Variants in PKD1 observed in about 807,000 individuals in gnomAD.
PKD1 encodes polycystin-1.
PKD1 carries 81 observed loss-of-function variants against 361.7 expected under a neutral mutation model. That is an observed-to-expected ratio of 0.22 (90% CI 0.19 to 0.27). The LOEUF (loss-of-function observed/expected upper bound fraction) is 0.27, where lower values mean the gene tolerates loss of function less well. Among genes scored for constraint, PKD1 ranks in the 10% least tolerant of loss-of-function variants. PKD1 has a pLI of 1.00. For synonymous variants in PKD1, 3,615 were observed against 2,818.3 expected (o/e 1.28, Z -8.95); for missense variants, 6,399 against 6,118.3 (o/e 1.05, Z -1.53).
At chr16:2,090,617 G>A (rs914328228) in intron 44 of PKD1, 27 bp from the exon 45 acceptor site, 3 of 1,608,886 alleles carry the variant, frequency 1.9e-6, no homozygotes, top group East Asian at 2.2e-5. Context: ...ACCAGTGAGG[G>A]CGTACAGCTG....
At position 2,103,648 on chromosome 16, in the gene PKD1, G is replaced by A. The variant is rs2092199146; in HGVS notation, c.8409C>T (p.Gly2803=). Residue 2803 remains glycine (G), a synonymous_variant, in exon 23 of 46, where the codon GGC becomes GGT. Transcript: ENST00000262304. Reference sequence around the variant, plus strand: ...AAGCCTCGGGGATGGAGAAGTGGCAGCCAGGCCCTGGGGCGCCGCCATAGC... The same window carrying A: ...AAGCCTCGGGGATGGAGAAGTGGCAACCAGGCCCTGGGGCGCCGCCATAGC... ...LLCYGGAPGP[G]CHFSIPEAFS... The A allele has an allele frequency of 1.2e-6, 2 of 1,610,406 alleles. No homozygotes were observed. Among genetic ancestry groups the A allele is most frequent in the South Asian group, 1.1e-5 (1 of 90,996 alleles).
intron 21 of PKD1, 99 bp from the exon 22 acceptor site, chr16:2,104,741 C>G (rs1183349348): frequency 9.0e-5 from 69 of 764,170 alleles, no homozygotes; most frequent in African/African-American, 5.3e-4. Context: ...ACCCCCAGCC[C>G]TGCAGCTGGA....
At chr16:2,125,356 C>T (rs1596611149) in intron 1 of PKD1, among the ~76,000 whole-genome samples, 1 of 152,206 alleles carries the variant, frequency 6.6e-6, no homozygotes, top group Non-Finnish European at 1.5e-5. Context: ...CTGCCAGGCC[C>T]CAAGCAACAG....
chr16:2,105,288 T>C (rs746071049), intron 21 of PKD1, 34 bp downstream of exon 21: 4 of 1,590,328 alleles, frequency 2.5e-6, no homozygotes, highest in East Asian at 2.2e-5. Context: ...CTGGCAGGCA[T>C]GCGGGGCAGG....
At chr16:2,099,546 T>C in intron 30 of PKD1, 98 bp downstream of exon 30, 4 of 1,174,196 alleles carry the variant, frequency 3.4e-6, no homozygotes, top group Non-Finnish European at 4.9e-6. Flanking sequence ...GTGGACGCCT[T>C]TCCCTCTGGC....
At chr16:2,107,446 C>G (rs2092380792) in intron 16 of PKD1, 1 of 361,764 alleles carries the variant, frequency 2.8e-6, no homozygotes, top group African/African-American at 2.1e-5. Flanking sequence ...CAGACGCCCA[C>G]TCTGGGGCAC....
At chr16:2,129,029 A>G (rs978738497) in intron 1 of PKD1, among the ~76,000 whole-genome samples, 6 of 151,840 alleles carry the variant, frequency 4.0e-5, no homozygotes, top group African/African-American at 1.5e-4. Flanking sequence ...ACACCTCGCT[A>G]ATTTTTGTAT....
Position 2,100,495 on chromosome 16 carries a change from C to T in PKD1, c.9469G>A (p.Asp3157Asn), listed in dbSNP as rs779683697. 5.6e-6 allele frequency: 9 copies of T among 1,610,240 alleles called. No individual in the cohort carries two copies. In the Admixed American group the frequency reaches 6.7e-5, roughly 12 times the overall value. Reference protein sequence around the residue: ...SRSGHRHLDGDRAFHRNSLDI... With the variant: ...SRSGHRHLDGNRAFHRNSLDI... Reference sequence around the variant, plus strand: ...AGGCTGTTGCGGTGGAAGGCTCTGTCGCCGTCCAGGTGCCGGTGGCCGCTC... The same window carrying T: ...AGGCTGTTGCGGTGGAAGGCTCTGTTGCCGTCCAGGTGCCGGTGGCCGCTC... Residue 3157 changes from aspartate (D) to asparagine (N), a missense_variant, in exon 27 of 46, where the codon GAC (aspartate) becomes AAC (asparagine). Physicochemically the swap from Asp to Asn is conservative, Grantham distance 23 (BLOSUM62 1). Coordinates refer to ENST00000262304, the MANE Select transcript of PKD1 (RefSeq NM_001009944.3). The surrounding 1 kb of genome is among the most constrained non-coding windows in gnomAD (Gnocchi z 4.4).
At position 2,089,858 on chromosome 16, in the gene PKD1, C is replaced by A; in HGVS notation, c.12781G>T (p.Gly4261Cys). Residue 4261 changes from glycine to cysteine, a missense_variant, in exon 46 of 46, where the codon GGC becomes TGC. Coordinates refer to ENST00000262304, the MANE Select transcript of PKD1 (RefSeq NM_001009944.3). The part of the protein sequence containing the change: ...SSRAPAGSSR[G>C]PSPGLRPALP... ...GCTGGCCGCAGGCCCGGGGATGGGC[C>A]ACGGGAAGATCCGGCGGGCGCCCGG... 1 of 1,608,954 alleles carries A rather than the reference C, an allele frequency of 6.2e-7. No homozygotes were observed. Among genetic ancestry groups the A allele is most frequent in the Non-Finnish European group, 8.5e-7 (1 of 1,178,506 alleles).
At position 2,103,250 on chromosome 16, in the gene PKD1, C is replaced by T. The variant is rs2092175992; in HGVS notation, c.8791+16G>A. 1.2e-6 allele frequency: 2 copies of T among 1,608,950 alleles called. No individual in the cohort carries two copies. Among genetic ancestry groups the T allele is most frequent in the Admixed American group, 3.3e-5 (2 of 59,932 alleles). ...CAAGGCCAGGGGGCCGCGTGTGCCC[C>T]ACCCGCTGCACGCACCGTCCAGCAG... On this transcript the variant is annotated intron_variant, in intron 23 of 45. Transcript: ENST00000262304.
At chr16:2,127,485 C>T (rs1157085098) in intron 1 of PKD1, among the ~76,000 whole-genome samples, 1 of 152,192 alleles carries the variant, frequency 6.6e-6, no homozygotes, top group Non-Finnish European at 1.5e-5. Flanking sequence ...GCACTGGCTC[C>T]CGTCGTCCAG....
Position 2,111,478 on chromosome 16 carries a change from A to C in PKD1, c.3689T>G (p.Val1230Gly). ...GCCCGTCTGCACCGCGGCGCTGACC[A>C]CCACGGGGGCGCCCTGCTCCACGGC... Reference protein sequence around the residue: ...SLAVEQGAPVVVSAAVQTGDN... With the variant: ...SLAVEQGAPVGVSAAVQTGDN... The change falls in exon 15 of 46, where the codon GTG becomes GGG. Residue 1230 changes from valine (V) to glycine (G), a missense_variant. Coordinates refer to ENST00000262304, the MANE Select transcript of PKD1 (RefSeq NM_001009944.3). 10 of 1,611,498 alleles carry C rather than the reference A, an allele frequency of 6.2e-6. No individual in the cohort carries two copies. Among genetic ancestry groups the C allele is most frequent in the Non-Finnish European group, 8.5e-6 (10 of 1,179,406 alleles).
Position 2,090,436 on chromosome 16 carries a change from G to A in PKD1, c.12293C>T (p.Ala4098Val). ...GAGAATAACAGCCCCCAGCCGTAGG[G>A]CGCCCCACAGCCGCAGTGCCCAGAG... ...VGLWALRLWG[A>V]LRLGAVILRW... The change falls in exon 45 of 46, where the codon GCC (alanine) becomes GTC (valine). Residue 4098 changes from alanine (A) to valine (V), a missense_variant. Transcript: ENST00000262304. 1 of 1,612,538 alleles carries A rather than the reference G, an allele frequency of 6.2e-7. No individual in the cohort carries two copies. Among genetic ancestry groups the A allele is most frequent in the Non-Finnish European group, 8.5e-7 (1 of 1,179,868 alleles).
chr16:2,106,923 G>A lies in PKD1; in HGVS notation c.7091C>T (p.Pro2364Leu), dbSNP rs573561064. 2 of 1,577,294 alleles carry A rather than the reference G, an allele frequency of 1.3e-6. No individual in the cohort carries two copies. The highest frequency in any genetic ancestry group is 1.7e-6 in the Non-Finnish European group (2 of 1,164,522). Residue 2364 changes from proline (P) to leucine (L), a missense_variant, in exon 17 of 46, where the codon CCC becomes CTC. Physicochemically the swap from Pro to Leu is moderately conservative, Grantham distance 98. Coordinates refer to ENST00000262304, the MANE Select transcript of PKD1 (RefSeq NM_001009944.3). This position sits in a 1 kb window ranked among gnomAD's most constrained non-coding sequence, Gnocchi z 6.5. ...QTVLIRSGRV[P>L]IVSLECVSCK... ...GGACACACACTCCAAGGACACAATG[G>A]GCACCCGGCCACTCCGGATCAGCAC...
intron 1 of PKD1, among the ~76,000 whole-genome samples, chr16:2,132,174 C>T (rs1420973970): frequency 1.3e-5 from 2 of 150,484 alleles, no homozygotes; most frequent in African/African-American, 2.5e-5. Context: ...CACTTGAACC[C>T]GGGAGGCGGA....
chr16:2,113,405 G>C (rs2092570753), intron 11 of PKD1, 113 bp from the exon 12 acceptor site: 2 of 1,108,768 alleles, frequency 1.8e-6, no homozygotes, highest in African/African-American at 3.1e-5. Flanking sequence ...GCACAGAGGA[G>C]AGGAGGTGCC....
At position 2,115,586 on chromosome 16, in the gene PKD1, G is replaced by C; in HGVS notation, c.1889C>G (p.Pro630Arg). Residue 630 changes from proline (P) to arginine (R), a missense_variant, in exon 10 of 46, where the codon CCG becomes CGG. Transcript: ENST00000262304. ...ENGSEPESRSPDNRTQLAPAC... is the reference protein window; with the variant it reads ...ENGSEPESRSRDNRTQLAPAC... The stretch of plus-strand genomic sequence containing the variant: ...GGGGGCCAGCTGGGTCCTGTTGTCC[G>C]GGGACCTGCTCTCAGGCTCGCTGCC... 8 of 1,592,966 alleles carry C rather than the reference G, an allele frequency of 5.0e-6. No homozygotes were observed. Among genetic ancestry groups the C allele is most frequent in the Non-Finnish European group, 6.8e-6 (8 of 1,168,854 alleles).
At chr16:2,105,068 G>A (rs1192002288) in intron 21 of PKD1, among the ~76,000 whole-genome samples, 8 of 118,594 alleles carry the variant, frequency 6.7e-5, no homozygotes, top group East Asian at 4.9e-4. Context: ...AGGGCACAGA[G>A]CAGCATCTTC....
chr16:2,104,736 C>T (rs973174830), intron 21 of PKD1, 94 bp from the exon 22 acceptor site: 15 of 760,942 alleles, frequency 2.0e-5, no homozygotes, highest in Admixed American at 4.2e-5. Flanking sequence ...CTCCCACCCC[C>T]AGCCCTGCAG....
Sources: gnomAD v4.1 joint callset for allele counts (sites outside exome capture counted in the v4.1 genomes callset) on GRCh38, gnomAD v4.1.1 for gene constraint, Gnocchi (gnomAD v3.1) non-coding constraint, MANE v1.5 for transcripts, NCBI Gene and HGNC (gene_info 2026-07-23, HGNC 2026-07-21) for gene names.